MLIP: variants seen among roughly 807,000 people sequenced by gnomAD.
MLIP encodes muscular LMNA-interacting protein.
In MLIP, 79 loss-of-function variants were observed where a neutral mutation model predicts 84.8. That is an observed-to-expected ratio of 0.93 (90% CI 0.78 to 1.12). The LOEUF is 1.12. MLIP is among the 50% of genes most tolerant of loss of function. The pLI, the probability that MLIP is intolerant of heterozygous loss-of-function variation, is 0.00. For synonymous variants in MLIP, 504 were observed against 463.0 expected (o/e 1.09, Z -1.14); for missense variants, 1,257 against 1,160.6 (o/e 1.08, Z -1.21).
At chr6:54,074,813 A>G (rs1425934188) in intron 1 of MLIP, among the ~76,000 whole-genome samples, 2 of 152,168 alleles carry the variant, frequency 1.3e-5, no homozygotes, top group African/African-American at 4.8e-5. Flanking sequence ...CATGTCTGTG[A>G]GGGATTAGAA....
At chr6:54,028,209 T>C (rs1763929606) in intron 1 of MLIP, among the ~76,000 whole-genome samples, 1 of 152,160 alleles carries the variant, frequency 6.6e-6, no homozygotes, top group Non-Finnish European at 1.5e-5. Flanking sequence ...TTCTCAAGGG[T>C]CCTTTTATTA....
intron 11 of MLIP, chr6:54,217,910 G>A: frequency 3.0e-6 from 3 of 985,372 alleles, no homozygotes; most frequent in African/African-American, 3.5e-5. Flanking sequence ...GATCTCTAAA[G>A]TATTAGGTAC....
At chr6:54,072,506 T>A (rs1766548930) in intron 1 of MLIP, among the ~76,000 whole-genome samples, 1 of 152,156 alleles carries the variant, frequency 6.6e-6, no homozygotes, top group African/African-American at 2.4e-5. Flanking sequence ...AACTTGGAAA[T>A]CCTATGATTC....
At chr6:54,096,099 A>G (rs1488111053) in intron 1 of MLIP, among the ~76,000 whole-genome samples, 6 of 152,182 alleles carry the variant, frequency 3.9e-5, no homozygotes. Flanking sequence ...ATGTTTTGAA[A>G]AGATTTGTTC....
exon 1 of MLIP, chr6:54,018,974 A>G (rs1406161300): frequency 1.0e-5 from 15 of 1,477,004 alleles, no homozygotes; most frequent in Middle Eastern, 1.9e-4. Context: ...TTTTCTAGAC[A>G]GAATCTGAAC....
intron 4 of MLIP, among the ~76,000 whole-genome samples, chr6:54,140,278 CAGAG>C (rs1315315596): frequency 1.3e-5 from 2 of 152,094 alleles, no homozygotes; most frequent in Non-Finnish European, 2.9e-5. Context: ...TGGATATAGT[CAGAG>C]AGTTGGAAGA....
At chr6:54,127,011 A>G (rs1272982271) in intron 3 of MLIP, among the ~76,000 whole-genome samples, 2 of 152,110 alleles carry the variant, frequency 1.3e-5, no homozygotes, top group East Asian at 3.9e-4. Context: ...AACAATCACC[A>G]AAGTACATAC....
At position 54,069,572 on chromosome 6, in the gene MLIP, A is replaced by C. The variant is rs564331577; in HGVS notation, c.63+50481A>C. On this transcript the variant is annotated intron_variant, in intron 1 of 12. Transcript: ENST00000274897. ...TATGCACATCCTCCCAGGTACATTA[A>C]ATCATCTCTAGATTACTTATAATAC... Among the ~76,000 whole-genome samples the C allele has an allele frequency of 4.0e-5, 4 of 99,852 alleles. 1 individual carries two copies. In the East Asian group the frequency reaches 1.1e-3, roughly 27 times the overall value. 65.5% of individuals were successfully genotyped at this position (99,852 alleles called of 152,430 possible). A position where few individuals can be genotyped will look rare whatever the true frequency, so the allele number is the denominator to read the frequency against.
intron 9 of MLIP, among the ~76,000 whole-genome samples, chr6:54,178,685 G>T (rs1776546459): frequency 6.6e-6 from 1 of 151,982 alleles, no homozygotes. Flanking sequence ...TAATTTCCAT[G>T]TGTTTGTATA....
intron 4 of MLIP, among the ~76,000 whole-genome samples, chr6:54,148,844 CTGA>C (rs1224330842): frequency 1.3e-5 from 2 of 152,106 alleles, no homozygotes; most frequent in African/African-American, 4.8e-5. Flanking sequence ...AATCTCTAGG[CTGA>C]TATTTTACTG....
At chr6:54,058,072 C>A (rs1463255816) in intron 1 of MLIP, 1 of 151,798 alleles carries the variant, frequency 6.6e-6, no homozygotes, top group Non-Finnish European at 1.5e-5. Context: ...TTTTGGATCA[C>A]AGGCTTAGAA....
intron 12 of MLIP, among the ~76,000 whole-genome samples, chr6:54,248,192 T>A (rs1483063269): frequency 6.6e-6 from 1 of 152,148 alleles, no homozygotes; most frequent in Non-Finnish European, 1.5e-5. Context: ...AGAAAAATAT[T>A]CCACCAATAT....
intron 3 of MLIP, among the ~76,000 whole-genome samples, chr6:54,129,908 G>T (rs1771241976): frequency 6.6e-6 from 1 of 152,062 alleles, no homozygotes; most frequent in South Asian, 2.1e-4. Context: ...AGTTGGGTAG[G>T]ATTAAAAATT....
At chr6:54,216,451 G>GTTTTTCT (rs1451707656) in intron 11 of MLIP, 1 of 985,204 alleles carries the variant, frequency 1.0e-6, no homozygotes, top group African/African-American at 1.7e-5. Flanking sequence ...ATTATGGAGT[G>GTTTTTCT]TTTTTCTTTC....
chr6:54,080,596 A>G (rs370207707), intron 1 of MLIP, among the ~76,000 whole-genome samples: 1 of 151,652 alleles, frequency 6.6e-6, no homozygotes, highest in African/African-American at 2.4e-5. Flanking sequence ...ATATAACTAT[A>G]CCCATGTGAT....
Position 54,136,924 on chromosome 6 carries a change from AC to A in MLIP, c.858del (p.Ser288LeufsTer35). 1 of 1,534,990 alleles carries A rather than the reference AC, an allele frequency of 6.5e-7. No homozygotes were observed. On this transcript the variant is annotated frameshift_variant, in exon 4 of 14. Coordinates refer to ENST00000502396, the MANE Select transcript of MLIP (RefSeq NM_001281747.2). LOFTEE classifies it high-confidence loss of function. ...TYFQTTAHST[P>X]FSASKGTSST... ...ATTTTCAAACTACCGCTCACTCTACACCCTTTTCTGCATCGAAGGGCACCTC... is the reference window on the plus strand; with the variant it reads ...ATTTTCAAACTACCGCTCACTCTACACCTTTTCTGCATCGAAGGGCACCTC...
chr6:54,179,078 A>G (rs1489789129), intron 9 of MLIP, among the ~76,000 whole-genome samples: 1 of 152,172 alleles, frequency 6.6e-6, no homozygotes, highest in Non-Finnish European at 1.5e-5. Flanking sequence ...TGGGTGCTCC[A>G]GTGTTGGCTG....
At chr6:54,102,488 T>C (rs1768726024) in intron 1 of MLIP, among the ~76,000 whole-genome samples, 1 of 152,124 alleles carries the variant, frequency 6.6e-6, no homozygotes, top group South Asian at 2.1e-4. Context: ...TGATGCTGGC[T>C]TCCTTCATAG....
intron 8 of MLIP, 23 bp downstream of exon 8, chr6:54,160,822 T>C (rs1467172393): frequency 2.5e-6 from 4 of 1,584,168 alleles, no homozygotes; most frequent in African/African-American, 1.4e-5. Flanking sequence ...TTAATATAAT[T>C]TATGGAACCA....
Sources: gnomAD v4.1 joint callset for allele counts (sites outside exome capture counted in the v4.1 genomes callset) on GRCh38, gnomAD v4.1.1 for gene constraint, MANE v1.5 for transcripts, NCBI Gene and HGNC (gene_info 2026-07-23, HGNC 2026-07-21) for gene names.